Variants in XKR6 observed in about 807,000 individuals in gnomAD.
XKR6 encodes XK-related protein 6.
XKR6 carries 22 observed loss-of-function variants against 56.7 expected under a neutral mutation model. The observed-to-expected ratio is 0.39, with a 90% CI of 0.28 to 0.55. The LOEUF is 0.55. XKR6 is among the 20% of genes least tolerant of loss of function. The probability of loss-of-function intolerance (pLI) is 0.66; values close to 1 mark genes in which losing one functional copy is unlikely to be tolerated. For synonymous variants in XKR6, 524 were observed against 387.8 expected (o/e 1.35, Z -4.13); for missense variants, 852 against 889.0 (o/e 0.96, Z 0.53).
At chr8:10,901,291 A>G (rs1800030254) in intron 2 of XKR6, among the ~76,000 whole-genome samples, 1 of 152,046 alleles carries the variant, frequency 6.6e-6, no homozygotes, top group African/African-American at 2.4e-5. Flanking sequence ...CCTGACCTCA[A>G]GTGATCTGCC....
intron 1 of XKR6, among the ~76,000 whole-genome samples, chr8:11,182,306 GT>G (rs1296945292): frequency 6.6e-6 from 1 of 152,118 alleles, no homozygotes; most frequent in Non-Finnish European, 1.5e-5. Flanking sequence ...ATACCACACA[GT>G]TCCTTTATTG....
chr8:11,003,168 G>A (rs1341389987), intron 1 of XKR6, among the ~76,000 whole-genome samples: 1 of 146,940 alleles, frequency 6.8e-6, no homozygotes, highest in Non-Finnish European at 1.5e-5. Context: ...AAATAATAGA[G>A]TACGTACTCT....
intron 1 of XKR6, among the ~76,000 whole-genome samples, chr8:11,150,135 G>A (rs1024595374): frequency 2.6e-5 from 4 of 152,114 alleles, no homozygotes; most frequent in African/African-American, 4.8e-5. Context: ...ACAAACACAC[G>A]GTTAGAAGGT....
chr8:10,902,965 G>A (rs1205113909), intron 2 of XKR6, among the ~76,000 whole-genome samples: 1 of 152,176 alleles, frequency 6.6e-6, no homozygotes, highest in East Asian at 1.9e-4. Context: ...GACCGGAGTT[G>A]GTACAGCTAG....
At chr8:10,913,406 C>T (rs1320567593) in intron 2 of XKR6, among the ~76,000 whole-genome samples, 2 of 152,114 alleles carry the variant, frequency 1.3e-5, no homozygotes, top group African/African-American at 4.8e-5. Flanking sequence ...CGTTGCCTTG[C>T]CCCTTAGCCA....
intron 1 of XKR6, among the ~76,000 whole-genome samples, chr8:11,146,088 G>C (rs565314309): frequency 6.6e-6 from 1 of 152,078 alleles, no homozygotes; most frequent in Non-Finnish European, 1.5e-5. Context: ...AGTAAAGAAA[G>C]AATAGCCTTT....
intron 1 of XKR6, among the ~76,000 whole-genome samples, chr8:11,185,474 T>C (rs1265321280): frequency 6.6e-6 from 1 of 152,224 alleles, no homozygotes; most frequent in Non-Finnish European, 1.5e-5. Flanking sequence ...AGTGAAGATT[T>C]ACTGTATGGG....
intron 1 of XKR6, among the ~76,000 whole-genome samples, chr8:10,942,467 C>CT (rs1801412490): frequency 6.6e-6 from 1 of 152,182 alleles, no homozygotes; most frequent in Admixed American, 6.6e-5. Context: ...GCTCCCAGGA[C>CT]TTCCTGCTCC....
intron 1 of XKR6, among the ~76,000 whole-genome samples, chr8:11,027,034 C>T (rs1015444606): frequency 6.6e-6 from 1 of 152,204 alleles, no homozygotes; most frequent in African/African-American, 2.4e-5. Flanking sequence ...GCCTACTACA[C>T]ACCTAAATGC....
At chr8:10,925,748 G>T (rs889495065) in intron 1 of XKR6, among the ~76,000 whole-genome samples, 15 of 152,186 alleles carry the variant, frequency 9.9e-5, no homozygotes, top group Non-Finnish European at 2.2e-4. Context: ...GGGTGCATGG[G>T]AAGATTAGTG....
At chr8:11,138,231 T>C (rs1800505645) in intron 1 of XKR6, 1 of 154,236 alleles carries the variant, frequency 6.5e-6, no homozygotes, top group Non-Finnish European at 1.4e-5. Flanking sequence ...GACACACATG[T>C]GTGGTGTCTC....
intron 1 of XKR6, among the ~76,000 whole-genome samples, chr8:10,948,814 T>C (rs1200953122): frequency 6.6e-6 from 1 of 152,226 alleles, no homozygotes; most frequent in Admixed American, 6.5e-5. Context: ...TGCTCATCTG[T>C]GTTGCTTCCT....
intron 1 of XKR6, among the ~76,000 whole-genome samples, chr8:11,045,737 C>T (rs1308589867): frequency 6.6e-6 from 1 of 152,186 alleles, no homozygotes; most frequent in African/African-American, 2.4e-5. Flanking sequence ...TTCTCCTGCT[C>T]CCTTCCTTAT....
chr8:11,114,744 T>C (rs911793570), intron 1 of XKR6, among the ~76,000 whole-genome samples: 42 of 133,210 alleles, frequency 3.2e-4, no homozygotes, highest in African/African-American at 1.0e-3. Context: ...TGTGTGTGTG[T>C]GTGTGTGTGT....
intron 1 of XKR6, among the ~76,000 whole-genome samples, chr8:11,100,809 T>C (rs1798443844): frequency 6.6e-6 from 1 of 152,226 alleles, no homozygotes; most frequent in African/African-American, 2.4e-5. Flanking sequence ...CTATGATTTG[T>C]CCCAATCATT....
At chr8:11,193,766 C>T (rs941375540) in intron 1 of XKR6, among the ~76,000 whole-genome samples, 2 of 131,568 alleles carry the variant, frequency 1.5e-5, no homozygotes, top group African/African-American at 5.8e-5. Context: ...AAGAAATTAA[C>T]CTTGGTAAAC....
intron 1 of XKR6, among the ~76,000 whole-genome samples, chr8:11,074,732 G>A (rs189883564): frequency 1.3e-5 from 2 of 152,222 alleles, no homozygotes; most frequent in African/African-American, 4.8e-5. Context: ...CTACCAGTGA[G>A]GTGGGCCCAG....
chr8:11,055,370 C>A (rs1364027630), intron 1 of XKR6, among the ~76,000 whole-genome samples: 1 of 152,162 alleles, frequency 6.6e-6, no homozygotes, highest in Non-Finnish European at 1.5e-5. Flanking sequence ...AAATCCTGAC[C>A]CAGCAGGATT....
chr8:10,954,482 A>T (rs1242541222), intron 1 of XKR6, among the ~76,000 whole-genome samples: 1 of 152,156 alleles, frequency 6.6e-6, no homozygotes, highest in African/African-American at 2.4e-5. Context: ...TGTCTATTGA[A>T]ATCTTTTGTC....
Sources: gnomAD v4.1 joint callset for allele counts (sites outside exome capture counted in the v4.1 genomes callset) on GRCh38, gnomAD v4.1.1 for gene constraint, MANE v1.5 for transcripts, NCBI Gene and HGNC (gene_info 2026-07-23, HGNC 2026-07-21) for gene names.